MAN2A1: variants seen among roughly 807,000 people sequenced by gnomAD.
MAN2A1 encodes the protein mannosidase alpha class 2A member 1.
Under a neutral mutation model 142.6 loss-of-function variants are expected in MAN2A1, and 76 were observed. The ratio of observed to expected loss-of-function variants is 0.53; its 90% CI spans 0.44 to 0.65. The LOEUF is 0.65. MAN2A1 is among the 30% of genes least tolerant of loss of function. The pLI is 0.00. For synonymous variants in MAN2A1, 559 were observed against 473.2 expected (o/e 1.18, Z -2.35); for missense variants, 1,311 against 1,365.1 (o/e 0.96, Z 0.62).
intron 2 of MAN2A1, among the ~76,000 whole-genome samples, 198 bp downstream of exon 2, chr5:109,713,972 C>T (rs1582815403): frequency 1.3e-5 from 2 of 152,072 alleles, no homozygotes; most frequent in Non-Finnish European, 2.9e-5. Context: ...CTATTTCTCT[C>T]AGTTTATCTT....
chr5:109,769,518 C>A (rs770419465), intron 6 of MAN2A1, among the ~76,000 whole-genome samples: 52 of 152,198 alleles, frequency 3.4e-4, no homozygotes, highest in Middle Eastern at 3.4e-3. Context: ...TTTAAAAGCT[C>A]AGGATCATAT....
At chr5:109,777,691 G>A (rs1232134188) in intron 8 of MAN2A1, among the ~76,000 whole-genome samples, 1 of 151,968 alleles carries the variant, frequency 6.6e-6, no homozygotes. Flanking sequence ...TAATTGTCTT[G>A]CCTTCAACAT....
chr5:109,858,241 G>A (rs1350881052), intron 20 of MAN2A1, among the ~76,000 whole-genome samples: 1 of 152,168 alleles, frequency 6.6e-6, no homozygotes, highest in Non-Finnish European at 1.5e-5. Flanking sequence ...GTTAGCCTTT[G>A]ACTCTTAGCA....
At chr5:109,817,895 A>G (rs890489724) in intron 13 of MAN2A1, among the ~76,000 whole-genome samples, 3 of 152,158 alleles carry the variant, frequency 2.0e-5, no homozygotes, top group African/African-American at 7.2e-5. Flanking sequence ...GAAATGCCCT[A>G]AAATAATTAA....
chr5:109,746,893 T>C (rs2300997), intron 4 of MAN2A1, among the ~76,000 whole-genome samples: 26,696 of 152,178 alleles, frequency 0.18, 3,300 homozygotes, highest in East Asian at 0.64. Context: ...CCTTACTTCA[T>C]TCAGCATAGT....
chr5:109,713,055 ATTTAGGATTATCC>A (rs1401086108), intron 1 of MAN2A1, among the ~76,000 whole-genome samples: 1 of 152,136 alleles, frequency 6.6e-6, no homozygotes, highest in Non-Finnish European at 1.5e-5. Flanking sequence ...GATATTTCTT[ATTTAGGATTATCC>A]ACTAGTGTTA....
At chr5:109,841,343 T>G (rs1200046545) in intron 16 of MAN2A1, among the ~76,000 whole-genome samples, 1 of 152,212 alleles carries the variant, frequency 6.6e-6, no homozygotes. Flanking sequence ...ATCATTCTTA[T>G]GCCTTTGCAT....
At position 109,855,225 on chromosome 5, in the gene MAN2A1, C is replaced by T; in HGVS notation, c.3062C>T (p.Ala1021Val). The change falls in exon 20 of 22, where the codon GCA (alanine) becomes GTA (valine). Residue 1021 changes from alanine to valine, a missense_variant. Around this residue, in one of 3 missense-constraint regions of MAN2A1, gnomAD observed 890 missense variants for 920.5 expected, o/e 0.97. Coordinates refer to ENST00000261483, the MANE Select transcript of MAN2A1 (RefSeq NM_002372.4). Reference protein sequence around the residue: ...SLMNHPVIPMANKFSSPTLEL... With the variant: ...SLMNHPVIPMVNKFSSPTLEL... ...ATGAATCATCCAGTCATTCCAATGG[C>T]AAATAAGTTCTCCTCACCTACCCTT... 1 of 1,602,238 alleles carries T rather than the reference C, an allele frequency of 6.2e-7. No individual in the cohort carries two copies. Among genetic ancestry groups the T allele is most frequent in the Non-Finnish European group, 8.5e-7 (1 of 1,175,766 alleles).
In MAN2A1 at chr5:109,770,877, A is replaced by G. The variant is rs940666370; in HGVS notation, c.1196+336A>G. Reference sequence around the variant, plus strand: ...TTGTTGAATAAAACTTCTGGTCCCTATTGTACAAATTGGTAAGAAAAGCAA... The same window carrying G: ...TTGTTGAATAAAACTTCTGGTCCCTGTTGTACAAATTGGTAAGAAAAGCAA... On this transcript the variant is annotated intron_variant, in intron 7 of 21. Coordinates refer to ENST00000261483, the MANE Select transcript of MAN2A1 (RefSeq NM_002372.4). Among the ~76,000 whole-genome samples, 8 of 152,284 alleles carry G rather than the reference A, an allele frequency of 5.3e-5. No homozygotes were observed. The East Asian group carries it at 1.5e-3, about 29-fold the overall frequency.
At chr5:109,714,055 C>T (rs961866886) in intron 2 of MAN2A1, among the ~76,000 whole-genome samples, 2 of 151,944 alleles carry the variant, frequency 1.3e-5, no homozygotes, top group African/African-American at 4.8e-5. Flanking sequence ...TAGTTGAAAA[C>T]CTTTAAAGGT....
chr5:109,750,530 A>G (rs991340785), intron 4 of MAN2A1, among the ~76,000 whole-genome samples: 19 of 152,088 alleles, frequency 1.2e-4, no homozygotes, highest in African/African-American at 4.1e-4. Flanking sequence ...CTTTTCTTCC[A>G]TGGGATGTTT....
At chr5:109,736,209 ACACT>A (rs1752093702) in intron 4 of MAN2A1, among the ~76,000 whole-genome samples, 1 of 152,348 alleles carries the variant, frequency 6.6e-6, no homozygotes, top group South Asian at 2.1e-4. Flanking sequence ...AGTTGCAGAC[ACACT>A]CACACAGTGC....
chr5:109,690,432 C>T lies in MAN2A1; in HGVS notation c.15C>T (p.Arg5=), dbSNP rs556266704. The stretch of plus-strand genomic sequence containing the variant: ...TATCGAGGAAAATGAAGTTAAGCCG[C>T]CAGTTCACCGTGTTCGGCAGTGCGA... MKLS[R]QFTVFGSAIF... is the part of the protein sequence containing the mutation. Residue 5 remains arginine, a synonymous_variant, in exon 1 of 22, where the codon CGC becomes CGT. Transcript: ENST00000261483. The T allele has an allele frequency of 5.0e-6, 8 of 1,614,078 alleles. No individual in the cohort carries two copies. In the African/African-American group the frequency reaches 9.3e-5, roughly 19 times the overall value.
intron 12 of MAN2A1, among the ~76,000 whole-genome samples, chr5:109,813,956 C>T (rs1364636241): frequency 6.6e-6 from 1 of 152,172 alleles, no homozygotes; most frequent in East Asian, 1.9e-4. Context: ...TGGCAGGTAA[C>T]ATATGAATGC....
Position 109,781,494 on chromosome 5 carries a change from A to T in MAN2A1, c.1473A>T (p.Gly491=). ...AATCGATGTTCCCTGTTTTAAGTGG[A>T]GATTTTTTCACTTATGCCGATCGAG... is the stretch of plus-strand genomic sequence containing the variant. ...KGQSMFPVLS[G]DFFTYADRDD... The change falls in exon 9 of 22, where the codon GGA becomes GGT. Residue 491 remains glycine (G), a synonymous_variant. Coordinates refer to ENST00000261483, the MANE Select transcript of MAN2A1 (RefSeq NM_002372.4). 6.2e-7 allele frequency: 1 copy of T among 1,613,336 alleles called. No individual in the cohort carries two copies. The highest frequency in any genetic ancestry group is 1.3e-5 in the African/African-American group (1 of 75,024).
intron 1 of MAN2A1, among the ~76,000 whole-genome samples, chr5:109,697,261 T>A (rs1475136012): frequency 6.6e-6 from 1 of 152,246 alleles, no homozygotes; most frequent in Non-Finnish European, 1.5e-5. Context: ...TTAATTTTGA[T>A]GATTCTGGTT....
intron 10 of MAN2A1, among the ~76,000 whole-genome samples, chr5:109,786,488 A>G (rs1393588049): frequency 6.6e-6 from 1 of 152,050 alleles, no homozygotes; most frequent in Non-Finnish European, 1.5e-5. Context: ...TGGTTCCTCC[A>G]TATGTTTTGT....
Position 109,690,118 on chromosome 5 carries a change from A to C in MAN2A1, c.-300A>C. 1 of 315,898 alleles carries C rather than the reference A, an allele frequency of 3.2e-6. No individual in the cohort carries two copies. Among genetic ancestry groups the C allele is most frequent in the South Asian group, 4.1e-5 (1 of 24,610 alleles). 19.6% of individuals were successfully genotyped at this position (315,898 alleles called of 1,614,324 possible). A position where few individuals can be genotyped will look rare whatever the true frequency, so the allele number is the denominator to read the frequency against. ...CCGCCTGCCCCGCGCGCCCTGCCGG[A>C]GGTCGGCGCTGAGCTTGCGATCAAG... On this transcript the variant is annotated 5_prime_UTR_variant, in exon 1 of 22. Transcript: ENST00000261483.
At chr5:109,773,405 G>T (rs904879373) in intron 7 of MAN2A1, among the ~76,000 whole-genome samples, 15 of 152,166 alleles carry the variant, frequency 9.9e-5, no homozygotes, top group Non-Finnish European at 1.0e-4. Flanking sequence ...AGGAAATCTA[G>T]TTGGAGCTCA....
Sources: gnomAD v4.1 joint callset for allele counts (sites outside exome capture counted in the v4.1 genomes callset) on GRCh38, gnomAD v4.1.1 for gene constraint, gnomAD v4.1.1 regional missense constraint, MANE v1.5 for transcripts, NCBI Gene and HGNC (gene_info 2026-07-23, HGNC 2026-07-21) for gene names.